The following RALYL variants were observed in gnomAD, a reference collection of about 807,000 sequenced individuals.
RALYL encodes the protein RALY RNA binding protein like.
RALYL carries 29 observed loss-of-function variants against 35.1 expected under a neutral mutation model. The observed-to-expected ratio is 0.83, with a 90% CI of 0.61 to 1.13. RALYL has a LOEUF of 1.13. Ranked by LOEUF, RALYL falls within the 50% of genes most tolerant of loss-of-function variation. RALYL has a pLI of 0.00. For missense variants in RALYL, 359 were observed against 360.4 expected (o/e 1.00, Z 0.03); for synonymous variants, 120 against 127.6 (o/e 0.94, Z 0.40).
At chr8:84,376,496 G>C (rs1283469777) in intron 1 of RALYL, among the ~76,000 whole-genome samples, 1 of 151,840 alleles carries the variant, frequency 6.6e-6, no homozygotes, top group Non-Finnish European at 1.5e-5. Flanking sequence ...AGAAAGAATG[G>C]GTAAGAGAAA....
At chr8:84,650,463 A>G (rs1479154269) in intron 2 of RALYL, among the ~76,000 whole-genome samples, 1 of 152,130 alleles carries the variant, frequency 6.6e-6, no homozygotes, top group Non-Finnish European at 1.5e-5. Context: ...CAAAAAACAC[A>G]TGAAAAAATG....
chr8:84,581,746 A>G (rs1276608762), intron 2 of RALYL, among the ~76,000 whole-genome samples: 2 of 152,188 alleles, frequency 1.3e-5, no homozygotes, highest in Non-Finnish European at 2.9e-5. Context: ...CTATAAAATG[A>G]GATAATCCAA....
chr8:84,572,695 C>T (rs186182417), intron 2 of RALYL, among the ~76,000 whole-genome samples: 100 of 151,746 alleles, frequency 6.6e-4, no homozygotes, highest in Middle Eastern at 3.4e-3. Flanking sequence ...TTTTGATGCA[C>T]GTTAGAATAC....
chr8:84,243,502 T>A (rs1362110149), intron 1 of RALYL, among the ~76,000 whole-genome samples: 44 of 26,128 alleles, frequency 1.7e-3, no homozygotes, highest in African/African-American at 7.9e-3. Context: ...TCTCTCACAC[T>A]TTTTTTTTTT....
At chr8:84,890,038 C>T (rs1563816871) in intron 8 of RALYL, among the ~76,000 whole-genome samples, 1 of 152,210 alleles carries the variant, frequency 6.6e-6, no homozygotes, top group Admixed American at 6.5e-5. Context: ...TCTTTATAAA[C>T]TATCTGTCAG....
Position 84,426,620 on chromosome 8 carries a change from G to A in RALYL, c.-23-102679G>A, listed in dbSNP as rs1216846829. On this transcript the variant is annotated intron_variant, in intron 1 of 8. Coordinates refer to ENST00000521268, the MANE Select transcript of RALYL (RefSeq NM_173848.7). ...CTTTTTTAGTGGCAACTCAATTGTG[G>A]AAAAACAAATAAACTGATTTAAAAA... Among the ~76,000 whole-genome samples, 9 of 151,986 alleles carry A rather than the reference G, an allele frequency of 5.9e-5. No homozygotes were observed. In the East Asian group the frequency reaches 1.7e-3, roughly 29 times the overall value.
intron 8 of RALYL, among the ~76,000 whole-genome samples, chr8:84,914,088 T>G (rs1006929038): frequency 6.6e-5 from 10 of 152,020 alleles, no homozygotes; most frequent in Admixed American, 2.6e-4. Flanking sequence ...GTAAAGCAAT[T>G]AATTCCAAAT....
intron 1 of RALYL, among the ~76,000 whole-genome samples, chr8:84,275,465 A>C (rs1224448964): frequency 1.3e-5 from 2 of 150,754 alleles, no homozygotes; most frequent in Non-Finnish European, 3.0e-5. Context: ...GTACAGCATG[A>C]TGTTTTGAAA....
intron 2 of RALYL, among the ~76,000 whole-genome samples, chr8:84,536,460 C>A (rs2135129383): frequency 6.6e-6 from 1 of 152,316 alleles, no homozygotes; most frequent in Admixed American, 6.5e-5. Context: ...TATTCTTCTG[C>A]ATATGCCTCC....
intron 6 of RALYL, among the ~76,000 whole-genome samples, chr8:84,871,250 G>T (rs1326085618): frequency 2.0e-5 from 3 of 152,128 alleles, no homozygotes; most frequent in Admixed American, 2.0e-4. Context: ...CTAAGTTCCA[G>T]CCAGATGAGT....
chr8:84,186,104 G>T (rs1812454069), intron 1 of RALYL, among the ~76,000 whole-genome samples: 1 of 152,172 alleles, frequency 6.6e-6, no homozygotes, highest in South Asian at 2.1e-4. Context: ...TTTGTTCTCC[G>T]AGTAGCTTTT....
intron 1 of RALYL, among the ~76,000 whole-genome samples, chr8:84,251,209 TAAA>T: frequency 6.6e-6 from 1 of 152,234 alleles, no homozygotes; most frequent in Non-Finnish European, 1.5e-5. Flanking sequence ...GATAACATAT[TAAA>T]TGATGGCTTT....
intron 2 of RALYL, among the ~76,000 whole-genome samples, chr8:84,751,105 T>C (rs1240107741): frequency 1.3e-5 from 2 of 152,184 alleles, no homozygotes; most frequent in Non-Finnish European, 2.9e-5. Context: ...ATGATAAGTA[T>C]GAGTGATGGC....
At chr8:84,902,632 CTT>C (rs1005948228) in intron 8 of RALYL, among the ~76,000 whole-genome samples, 10 of 152,276 alleles carry the variant, frequency 6.6e-5, no homozygotes, top group Middle Eastern at 6.8e-3. Flanking sequence ...AAGTCAGTGT[CTT>C]TGCCTTTTAT....
At chr8:84,649,775 G>T (rs1248077917) in intron 2 of RALYL, among the ~76,000 whole-genome samples, 1 of 152,140 alleles carries the variant, frequency 6.6e-6, no homozygotes, top group South Asian at 2.1e-4. Context: ...CTCTTTTTTG[G>T]TTGCATATGA....
intron 2 of RALYL, among the ~76,000 whole-genome samples, chr8:84,548,101 C>T (rs1205840141): frequency 1.3e-5 from 2 of 151,878 alleles, no homozygotes; most frequent in Non-Finnish European, 2.9e-5. Flanking sequence ...TTTATGGTAG[C>T]TAATTTATAT....
chr8:84,796,519 A>G (rs1821942691), intron 3 of RALYL, among the ~76,000 whole-genome samples: 1 of 152,206 alleles, frequency 6.6e-6, no homozygotes, highest in Admixed American at 6.5e-5. Flanking sequence ...TTATGTTTTA[A>G]TATGCAAAAT....
At chr8:84,288,191 TG>T (rs1838042798) in intron 1 of RALYL, among the ~76,000 whole-genome samples, 4 of 152,192 alleles carry the variant, frequency 2.6e-5, no homozygotes, top group South Asian at 2.1e-4. Flanking sequence ...GTTTTTGTTT[TG>T]TTTTTTTTCT....
intron 2 of RALYL, among the ~76,000 whole-genome samples, chr8:84,651,320 A>G (rs976191767): frequency 6.6e-6 from 1 of 151,912 alleles, no homozygotes; most frequent in African/African-American, 2.4e-5. Context: ...TATGAATAAT[A>G]CAGTTAATAT....
Sources: gnomAD v4.1 joint callset for allele counts (sites outside exome capture counted in the v4.1 genomes callset) on GRCh38, gnomAD v4.1.1 for gene constraint, MANE v1.5 for transcripts, NCBI Gene and HGNC (gene_info 2026-07-23, HGNC 2026-07-21) for gene names.